CTNNA3: variants seen among roughly 807,000 people sequenced by gnomAD.
The protein encoded by CTNNA3 is catenin alpha-3.
A neutral mutation model predicts 95.7 loss-of-function variants in CTNNA3; 76 were observed. The observed-to-expected ratio is 0.79, with a 90% confidence interval of 0.66 to 0.96. The LOEUF is 0.96. Ranked by LOEUF, CTNNA3 falls within the 40% of genes least tolerant of loss-of-function variation. CTNNA3 has a pLI of 0.00. For missense variants in CTNNA3, 1,191 were observed against 1,089.8 expected (o/e 1.09, Z -1.31); for synonymous variants, 431 against 374.4 (o/e 1.15, Z -1.74).
intron 5 of CTNNA3, among the ~76,000 whole-genome samples, chr10:67,240,333 G>A (rs1184447461): frequency 6.6e-6 from 1 of 152,142 alleles, no homozygotes; most frequent in East Asian, 1.9e-4. Flanking sequence ...GCAGCTTCAT[G>A]TTCTATTAGG....
intron 11 of CTNNA3, among the ~76,000 whole-genome samples, chr10:66,505,808 G>A (rs918066577): frequency 6.6e-6 from 1 of 152,160 alleles, no homozygotes; most frequent in Non-Finnish European, 1.5e-5. Flanking sequence ...TCTACAAGAA[G>A]TTGGCGTCTG....
chr10:66,122,072 C>T (rs2082609158), intron 13 of CTNNA3, among the ~76,000 whole-genome samples: 1 of 151,992 alleles, frequency 6.6e-6, no homozygotes, highest in South Asian at 2.1e-4. Context: ...ATTTAAAATA[C>T]TACTCTTAAT....
At chr10:66,265,486 C>T (rs4578273) in intron 13 of CTNNA3, among the ~76,000 whole-genome samples, 30,108 of 151,864 alleles carry the variant, frequency 0.2, 3,307 homozygotes, top group East Asian at 0.34. Context: ...AAAATTCAAA[C>T]AGCCTAGCAT....
chr10:65,929,571 CTT>C (rs1273919265), intron 17 of CTNNA3, among the ~76,000 whole-genome samples: 39 of 143,018 alleles, frequency 2.7e-4, no homozygotes, highest in Admixed American at 2.8e-4. Flanking sequence ...TTCTTTCTTT[CTT>C]TTTTTTTTTT....
At chr10:67,246,079 T>C (rs748443052) in intron 5 of CTNNA3, among the ~76,000 whole-genome samples, 89 of 152,262 alleles carry the variant, frequency 5.8e-4, no homozygotes, top group Middle Eastern at 3.4e-3. Flanking sequence ...CAAAACACAA[T>C]GGCTGCTGTT....
intron 7 of CTNNA3, among the ~76,000 whole-genome samples, chr10:67,144,618 C>G (rs1860753326): frequency 6.6e-6 from 1 of 152,158 alleles, no homozygotes; most frequent in Non-Finnish European, 1.5e-5. Context: ...TTACATGAAA[C>G]AAACACTGCT....
chr10:67,507,286 T>C (rs370857707), intron 5 of CTNNA3, among the ~76,000 whole-genome samples: 5 of 152,108 alleles, frequency 3.3e-5, no homozygotes, highest in African/African-American at 4.8e-5. Flanking sequence ...TCCCAGCACT[T>C]TGGGAGGCCG....
chr10:67,665,890 A>G (rs1383303490), intron 1 of CTNNA3, among the ~76,000 whole-genome samples: 2 of 152,210 alleles, frequency 1.3e-5, no homozygotes, highest in South Asian at 4.1e-4. Flanking sequence ...TGTACCCAAA[A>G]CACTGTAAAT....
chr10:65,959,639 C>T (rs1363145488), intron 17 of CTNNA3, among the ~76,000 whole-genome samples: 1 of 152,166 alleles, frequency 6.6e-6, no homozygotes, highest in Non-Finnish European at 1.5e-5. Context: ...ATCCTCTCAC[C>T]TCAGCTTCCC....
intron 9 of CTNNA3, among the ~76,000 whole-genome samples, chr10:66,730,967 T>C (rs866679642): frequency 1.3e-5 from 2 of 152,284 alleles, no homozygotes; most frequent in South Asian, 2.1e-4. Context: ...AAGTGATTGT[T>C]TTAAGGTAAT....
chr10:67,488,622 C>A (rs188852346), intron 5 of CTNNA3, among the ~76,000 whole-genome samples: 2 of 151,548 alleles, frequency 1.3e-5, no homozygotes, highest in Non-Finnish European at 2.9e-5. Context: ...CCACCCACCT[C>A]GGCCTCCCAA....
chr10:65,967,241 C>A (rs2077990818), intron 16 of CTNNA3, among the ~76,000 whole-genome samples: 2 of 152,014 alleles, frequency 1.3e-5, no homozygotes, highest in African/African-American at 4.8e-5. Flanking sequence ...CAGGCGTGAG[C>A]CACCACACCT....
intron 12 of CTNNA3, among the ~76,000 whole-genome samples, chr10:66,322,863 G>A (rs961509768): frequency 2.0e-5 from 3 of 151,806 alleles, no homozygotes; most frequent in African/African-American, 7.3e-5. Context: ...CATTGTGAGG[G>A]AGCAGAGAGC....
At chr10:67,102,172 C>T (rs1162942472) in intron 7 of CTNNA3, among the ~76,000 whole-genome samples, 1 of 151,680 alleles carries the variant, frequency 6.6e-6, no homozygotes, top group African/African-American at 2.4e-5. Context: ...ATGACCTTCC[C>T]AATTTTCCCC....
At chr10:67,612,860 C>G (rs1054443229) in intron 2 of CTNNA3, among the ~76,000 whole-genome samples, 1 of 152,162 alleles carries the variant, frequency 6.6e-6, no homozygotes, top group African/African-American at 2.4e-5. Context: ...ATTCACCAAT[C>G]TATCATTATG....
chr10:66,826,418 A>G (rs993796939), intron 7 of CTNNA3, among the ~76,000 whole-genome samples: 1 of 152,160 alleles, frequency 6.6e-6, no homozygotes, highest in Admixed American at 6.6e-5. Flanking sequence ...CTGGGACTAC[A>G]GGCTCACACC....
chr10:67,073,710 C>CA (rs967348236), intron 7 of CTNNA3, among the ~76,000 whole-genome samples: 6 of 150,180 alleles, frequency 4.0e-5, no homozygotes, highest in South Asian at 2.1e-4. Flanking sequence ...AACAAAAGAT[C>CA]AAAAAAAATC....
intron 5 of CTNNA3, among the ~76,000 whole-genome samples, chr10:67,252,218 CA>C (rs34502404): frequency 0.11 from 9,528 of 87,134 alleles, 611 homozygotes; most frequent in South Asian, 0.25. Flanking sequence ...AACACTGTCT[CA>C]AAAAAAAAAA....
At chr10:67,137,485 G>A (rs1004970384) in intron 7 of CTNNA3, among the ~76,000 whole-genome samples, 1 of 152,020 alleles carries the variant, frequency 6.6e-6, no homozygotes, top group East Asian at 1.9e-4. Context: ...CATATCAGAG[G>A]CACAAGATAA....
Sources: allele counts gnomAD v4.1 joint callset (sites outside exome capture counted in the v4.1 genomes callset), GRCh38; gene constraint gnomAD v4.1.1; transcripts MANE v1.5; gene names NCBI Gene and HGNC (gene_info 2026-07-23, HGNC 2026-07-21).